The following SNED1 variants were observed in gnomAD, a reference collection of about 807,000 sequenced individuals.
SNED1 encodes the protein sushi, nidogen and EGF-like domain-containing protein 1.
Under a neutral mutation model 166.7 loss-of-function variants are expected in SNED1, and 81 were observed. That is an observed-to-expected ratio of 0.49 (90% CI 0.41 to 0.58). The LOEUF is 0.58. Ranked by LOEUF, SNED1 falls within the 20% of genes least tolerant of loss-of-function variation. The probability of loss-of-function intolerance (pLI) is 0.00; values close to 1 mark genes in which losing one functional copy is unlikely to be tolerated. For synonymous variants in SNED1, 762 were observed against 822.0 expected (o/e 0.93, Z 1.25); for missense variants, 1,604 against 2,000.2 (o/e 0.80, Z 3.78).
chr2:241,065,942 C>T (rs1050217016), intron 21 of SNED1, among the ~76,000 whole-genome samples: 20 of 42,310 alleles, frequency 4.7e-4, no homozygotes, highest in African/African-American at 1.2e-3. Context: ...ACAGGGGCCG[C>T]GGGGGTGGGC....
intron 7 of SNED1, 34 bp downstream of exon 7, chr2:241,040,222 C>G: frequency 6.4e-7 from 1 of 1,571,976 alleles, no homozygotes; most frequent in Non-Finnish European, 8.6e-7. Flanking sequence ...GAGAGGGGCT[C>G]CTGCCCGTGG....
chr2:241,053,106 G>A, intron 15 of SNED1, 47 bp from the exon 16 acceptor site: 1 of 1,564,522 alleles, frequency 6.4e-7, no homozygotes, highest in Admixed American at 1.8e-5. Context: ...GTGGGGAGGG[G>A]CCAGGAAGGC....
At chr2:241,086,689 C>T (rs1575137743) in intron 29 of SNED1, among the ~76,000 whole-genome samples, 1 of 152,230 alleles carries the variant, frequency 6.6e-6, no homozygotes, top group Non-Finnish European at 1.5e-5. Context: ...CACAGGTTTT[C>T]GATCCTAAAG....
At chr2:241,084,236 A>G (rs2063473049) in intron 29 of SNED1, among the ~76,000 whole-genome samples, 1 of 150,082 alleles carries the variant, frequency 6.7e-6, no homozygotes, top group South Asian at 2.1e-4. Flanking sequence ...TCCTGGGTTC[A>G]AGCAATTCTC....
upstream of SNED1, among the ~76,000 whole-genome samples, chr2:240,998,086 A>G (rs2059967481): frequency 6.6e-6 from 1 of 152,348 alleles, no homozygotes; most frequent in African/African-American, 2.4e-5. Context: ...GCCTCCCAGG[A>G]ATTTCTCCTG....
chr2:241,049,086 C>T lies in SNED1; in HGVS notation c.1569C>T (p.His523=), dbSNP rs776576103. ...QCPDGGYCME[H]GGSYLCVCHT... ...CAGATGGGGGCTACTGCATGGAGCA[C>T]GGCGGGAGCTACCTCTGCGTCTGCC... The change falls in exon 11 of 32, where the codon CAC becomes CAT. Residue 523 remains histidine (H), a synonymous_variant. Transcript: ENST00000310397. The T allele has an allele frequency of 1.5e-5, 25 of 1,613,164 alleles. No individual in the cohort carries two copies. In the East Asian group the frequency reaches 1.6e-4, roughly 10 times the overall value.
chr2:241,022,573 C>T (rs1239469125), intron 1 of SNED1, among the ~76,000 whole-genome samples: 2 of 152,184 alleles, frequency 1.3e-5, no homozygotes, highest in Non-Finnish European at 2.9e-5. Flanking sequence ...CACTACTCAG[C>T]TTCATCAACA....
chr2:241,067,343 TC>T (rs1333188480), intron 21 of SNED1, among the ~76,000 whole-genome samples: 1 of 152,182 alleles, frequency 6.6e-6, no homozygotes, highest in African/African-American at 2.4e-5. Context: ...TGTATGTCTG[TC>T]CTCCTAAGAC....
At chr2:241,079,493 C>G (rs565707754) in intron 27 of SNED1, among the ~76,000 whole-genome samples, 2 of 150,236 alleles carry the variant, frequency 1.3e-5, no homozygotes, top group South Asian at 4.2e-4. Flanking sequence ...AAGGGAAATA[C>G]AAATTTTGTC....
chr2:241,082,424 G>C (rs1002890668), intron 29 of SNED1, 60 bp downstream of exon 29: 1 of 1,355,340 alleles, frequency 7.4e-7, no homozygotes, highest in African/African-American at 1.4e-5. Flanking sequence ...ACTCCTCAAA[G>C]TGCTGTCTCA....
rs1368840285 is a variant in SNED1, at chr2:241,069,974, A to G, written c.3362A>G (p.His1121Arg). 2 of 1,612,944 alleles carry G rather than the reference A, an allele frequency of 1.2e-6. No homozygotes were observed. Among genetic ancestry groups the G allele is most frequent in the Non-Finnish European group, 1.7e-6 (2 of 1,179,880 alleles). ...GCCCGAGTCACTGCCACCTCTGCCC[A>G]CGTGGTCTGGGATGCCCCGACTCCA... ...TAARVTATSA[H>R]VVWDAPTPGS... Residue 1121 changes from histidine to arginine, a missense_variant, in exon 24 of 32, where the codon CAC becomes CGC. Physicochemically the swap from His to Arg is conservative, Grantham distance 29. This residue lies in a region of SNED1 where 1,237 missense variants were observed against 1,620.8 expected (regional missense o/e 0.76). Transcript: ENST00000310397. This position sits in a 1 kb window ranked among gnomAD's most constrained non-coding sequence, Gnocchi z 4.9.
intron 3 of SNED1, among the ~76,000 whole-genome samples, 198 bp downstream of exon 3, chr2:241,034,073 C>A (rs988537373): frequency 6.6e-6 from 1 of 152,234 alleles, no homozygotes; most frequent in African/African-American, 2.4e-5. Flanking sequence ...CCCAAAGGCA[C>A]CTTTGTCCCC....
intron 1 of SNED1, among the ~76,000 whole-genome samples, chr2:241,001,335 C>T (rs2060071964): frequency 6.6e-6 from 1 of 152,250 alleles, no homozygotes. Flanking sequence ...CTTCTTCTGT[C>T]TTCATCAGAA....
At chr2:241,082,693 C>A (rs1032889099) in intron 29 of SNED1, among the ~76,000 whole-genome samples, 1 of 152,232 alleles carries the variant, frequency 6.6e-6, no homozygotes, top group South Asian at 2.1e-4. Flanking sequence ...TTCCTCTCTT[C>A]TCTTCCTCAG....
Position 241,067,880 on chromosome 2 carries a change from C to T in SNED1, c.3127C>T (p.Arg1043Cys), listed in dbSNP as rs766479518. The T allele has an allele frequency of 2.5e-5, 40 of 1,613,524 alleles. No individual in the cohort carries two copies. Among genetic ancestry groups the T allele is most frequent in the Admixed American group, 8.3e-5 (5 of 60,018 alleles). The change falls in exon 22 of 32, where the codon CGC becomes TGC. Residue 1043 changes from arginine to cysteine, a missense_variant. By Grantham distance (180) the Arg-to-Cys change is radical (BLOSUM62 -3). Coordinates refer to ENST00000310397, the MANE Select transcript of SNED1 (RefSeq NM_001080437.3). ...ATVSGVRVSI[R>C]HPEALRDQAT... Reference sequence around the variant, plus strand: ...CGTCAGTGGGGTCCGTGTGTCCATCCGCCACCCTGAGGCCCTCAGGGACCA... The same window carrying T: ...CGTCAGTGGGGTCCGTGTGTCCATCTGCCACCCTGAGGCCCTCAGGGACCA...
In SNED1 at chr2:241,051,877, C is replaced by T. The variant is rs1559267256; in HGVS notation, c.1852+17C>T. On this transcript the variant is annotated intron_variant, in intron 13 of 31. Coordinates refer to ENST00000310397, the MANE Select transcript of SNED1 (RefSeq NM_001080437.3). The surrounding 1 kb of genome is among the most constrained non-coding windows in gnomAD (Gnocchi z 4.7). ...GTGAGATCGGTGCGGCCCCCAGGGG[C>T]AGGGGGGAGGGCAGGAACGACGGGC... 6.6e-7 allele frequency: 1 copy of T among 1,524,358 alleles called. No homozygotes were observed. The highest frequency in any genetic ancestry group is 8.8e-7 in the Non-Finnish European group (1 of 1,131,058). The allele number at this position is 1,524,358 out of a possible 1,614,324, so 94.4% of individuals were successfully genotyped here. A position where few individuals can be genotyped will look rare whatever the true frequency, so the allele number is the denominator to read the frequency against.
intron 16 of SNED1, among the ~76,000 whole-genome samples, chr2:241,055,277 C>T (rs939139924): frequency 6.6e-6 from 1 of 152,052 alleles, no homozygotes; most frequent in African/African-American, 2.4e-5. Flanking sequence ...TAAAAGGGCC[C>T]ACAGAACGTC....
At chr2:241,022,995 T>G (rs1315059390) in intron 1 of SNED1, among the ~76,000 whole-genome samples, 1 of 152,174 alleles carries the variant, frequency 6.6e-6, no homozygotes, top group Non-Finnish European at 1.5e-5. Context: ...TTTTATTAGT[T>G]TAAACAAGTT....
chr2:241,054,817 TAAAAA>T (rs542888885), intron 16 of SNED1, among the ~76,000 whole-genome samples: 1 of 151,942 alleles, frequency 6.6e-6, no homozygotes, highest in Non-Finnish European at 1.5e-5. Context: ...GATAAATAAA[TAAAAA>T]AGAAAATGTT....
Sources: allele counts gnomAD v4.1 joint callset (sites outside exome capture counted in the v4.1 genomes callset), GRCh38; gene constraint gnomAD v4.1.1; regional missense constraint gnomAD v4.1.1; non-coding constraint Gnocchi (gnomAD v3.1); transcripts MANE v1.5; gene names NCBI Gene and HGNC (gene_info 2026-07-23, HGNC 2026-07-21).